The following EZH1 variants were observed in gnomAD, a reference collection of about 807,000 sequenced individuals.
The protein encoded by EZH1 is enhancer of zeste 1 polycomb repressive complex 2 subunit.
A neutral mutation model predicts 100.5 loss-of-function variants in EZH1; 33 were observed. The observed-to-expected ratio is 0.33, with a 90% CI of 0.25 to 0.44. The LOEUF (loss-of-function observed/expected upper bound fraction) is 0.44, where lower values mean the gene tolerates loss of function less well. Ranked by LOEUF, EZH1 falls within the 20% of genes least tolerant of loss-of-function variation. EZH1 has a pLI of 1.00. For synonymous variants in EZH1, 272 were observed against 313.8 expected, an observed-to-expected ratio of 0.87 and a Z score of 1.41; for missense variants, 475 against 928.4, an observed-to-expected ratio of 0.51 and a Z score of 6.35.
intron 4 of EZH1, among the ~76,000 whole-genome samples, chr17:42,726,237 G>A (rs1468301398): frequency 3.1e-5 from 4 of 128,372 alleles, no homozygotes; most frequent in Admixed American, 8.4e-5. Flanking sequence ...TTTTTGAGAC[G>A]GAGTCTCGCT....
chr17:42,710,332 T>G (rs781535924), intron 12 of EZH1, among the ~76,000 whole-genome samples: 4 of 152,206 alleles, frequency 2.6e-5, no homozygotes, highest in South Asian at 2.1e-4. Context: ...ATGGTTTCAG[T>G]GGGCTAAATA....
At chr17:42,727,142 G>A (rs1464860889) in intron 4 of EZH1, among the ~76,000 whole-genome samples, 1 of 151,860 alleles carries the variant, frequency 6.6e-6, no homozygotes, top group South Asian at 2.1e-4. Context: ...GAGCCACTGC[G>A]TCCAGCCCCC....
At chr17:42,734,932 G>A (rs1236719148) in intron 1 of EZH1, among the ~76,000 whole-genome samples, 2 of 151,042 alleles carry the variant, frequency 1.3e-5, no homozygotes, top group Non-Finnish European at 2.9e-5. Flanking sequence ...GGCAGAGGTT[G>A]CAGTGAGCTG....
chr17:42,733,242 CAGG>C (rs757627730), intron 1 of EZH1, among the ~76,000 whole-genome samples: 11 of 148,378 alleles, frequency 7.4e-5, no homozygotes, highest in Non-Finnish European at 1.3e-4. Context: ...GAGGCTGAGG[CAGG>C]AGAATTGCTT....
intron 1 of EZH1, among the ~76,000 whole-genome samples, chr17:42,734,605 G>A (rs906765103): frequency 6.6e-6 from 1 of 151,202 alleles, no homozygotes; most frequent in African/African-American, 2.4e-5. Flanking sequence ...GGAGGTAGAG[G>A]CTGCAGTGAG....
intron 1 of EZH1, among the ~76,000 whole-genome samples, chr17:42,736,777 G>C (rs550915113): frequency 7.9e-5 from 12 of 151,926 alleles, no homozygotes; most frequent in African/African-American, 2.9e-4. Context: ...GAGATTGCAG[G>C]GAGGTAGAGA....
chr17:42,709,024 G>A, intron 13 of EZH1, 108 bp from the exon 14 acceptor site: 5 of 1,272,836 alleles, frequency 3.9e-6, no homozygotes, highest in Non-Finnish European at 5.7e-6. Context: ...GATGACTGGG[G>A]AGTATCTTCC....
At position 42,738,882 on chromosome 17, in the gene EZH1, C is replaced by A. The variant is rs565375656; in HGVS notation, c.-103+6129G>T. Among the ~76,000 whole-genome samples the A allele has an allele frequency of 5.6e-3, 851 of 151,898 alleles. 5 individuals are homozygous for A. The highest frequency in any genetic ancestry group is 9.4e-3 in the Non-Finnish European group (642 of 67,954). ...TCAAGCGATTCTCTTGCCTCCACCCCCCCTGAGTAGCTGGGACTATGCTCG... is the reference window on the plus strand; with the variant it reads ...TCAAGCGATTCTCTTGCCTCCACCCACCCTGAGTAGCTGGGACTATGCTCG... On this transcript the variant is annotated intron_variant, in intron 1 of 20. Transcript: ENST00000428826.
In EZH1 at chr17:42,717,065, C is replaced by T. The variant is rs536341494; in HGVS notation, c.1023+911G>A. ...GACCCTGACTTGAATTTCATCGCTG[C>T]CATACCGCTGACTTATCAACAAACT... On this transcript the variant is annotated intron_variant, in intron 10 of 20. Coordinates refer to ENST00000428826, the MANE Select transcript of EZH1 (RefSeq NM_001991.5). Among the ~76,000 whole-genome samples the T allele has an allele frequency of 3.0e-4, 46 of 152,208 alleles. No individual in the cohort carries two copies. The South Asian group carries it at 7.7e-3, about 25-fold the overall frequency.
Position 42,733,337 on chromosome 17 carries a change from C to CAA in EZH1, c.-102-2421_-102-2420dup, listed in dbSNP as rs1204785901. Among the ~76,000 whole-genome samples the CAA allele has an allele frequency of 7.9e-3, 589 of 74,682 alleles. 6 individuals carry two copies. Among genetic ancestry groups the CAA allele is most frequent in the African/African-American group, 0.026 (557 of 21,068 alleles). The allele number at this position is 74,682 out of a possible 152,430, so 49.0% of individuals were successfully genotyped here. Reference sequence around the variant, plus strand: ...GGGCAACAAGAGCAAAACTCTGTCTCAAAAAAAAAAAAAAAAAGGTCTGGG... The same window carrying CAA: ...GGGCAACAAGAGCAAAACTCTGTCTCAAAAAAAAAAAAAAAAAAAGGTCTGGG... On this transcript the variant is annotated intron_variant, in intron 1 of 20. Coordinates refer to ENST00000428826, the MANE Select transcript of EZH1 (RefSeq NM_001991.5).
intron 10 of EZH1, among the ~76,000 whole-genome samples, chr17:42,715,282 A>T (rs1006765917): frequency 4.1e-5 from 6 of 144,828 alleles, no homozygotes; most frequent in African/African-American, 1.5e-4. Flanking sequence ...ATATATATAT[A>T]TATTTTTTTG....
At chr17:42,726,752 G>A (rs2053829181) in intron 4 of EZH1, among the ~76,000 whole-genome samples, 1 of 152,088 alleles carries the variant, frequency 6.6e-6, no homozygotes, top group Non-Finnish European at 1.5e-5. Context: ...GACCTCAGGT[G>A]ATCCACCCAC....
chr17:42,701,276 A>G lies in EZH1; in HGVS notation c.*1256T>C, dbSNP rs2053235011. Reference sequence around the variant, plus strand: ...AGACCTTAGGCCAAACTCTACCCCAATCTATAGACCTTTTAAAAGAAATGG... The same window carrying G: ...AGACCTTAGGCCAAACTCTACCCCAGTCTATAGACCTTTTAAAAGAAATGG... On this transcript the variant is annotated 3_prime_UTR_variant, in exon 21 of 21. Transcript: ENST00000428826. 6.5e-6 allele frequency: 1 copy of G among 152,706 alleles called. No individual in the cohort carries two copies. The highest frequency in any genetic ancestry group is 2.4e-5 in the African/African-American group (1 of 41,424). 9.5% of individuals were successfully genotyped at this position (152,706 alleles called of 1,614,324 possible).
rs376498826 is a variant in EZH1 at position 42,719,099 on chromosome 17, C to T, written c.767+6G>A. On this transcript the variant is annotated splice_donor_region_variant and intron_variant, in intron 8 of 20. Transcript: ENST00000428826. Reference sequence around the variant, plus strand: ...TATATGGCCTAAGTGGGACAGCTTTCCCTACCTCTCCTTCATGTCATCTGG... The same window carrying T: ...TATATGGCCTAAGTGGGACAGCTTTTCCTACCTCTCCTTCATGTCATCTGG... 1.9e-5 allele frequency: 31 copies of T among 1,607,838 alleles called. No homozygotes were observed. The highest frequency in any genetic ancestry group is 2.5e-5 in the Non-Finnish European group (29 of 1,174,548).
chr17:42,730,925 A>G lies in EZH1; in HGVS notation c.-102-7T>C. ...CAGCAGAACAGGTGTCCAGCTTTTC[A>G]AAAGAGAACAGACAGTGGTTCTATT... On this transcript the variant is annotated splice_polypyrimidine_tract_variant and splice_region_variant and intron_variant, in intron 1 of 20. Transcript: ENST00000428826. The G allele has an allele frequency of 2.0e-6, 2 of 984,478 alleles. No individual in the cohort carries two copies. The highest frequency in any genetic ancestry group is 2.4e-6 in the Non-Finnish European group (2 of 828,968). 61.0% of individuals were successfully genotyped at this position (984,478 alleles called of 1,614,324 possible).
In EZH1 at chr17:42,727,669, A is replaced by C. The variant is rs1291958592; in HGVS notation, c.212T>G (p.Met71Arg). ...KKLRVQPVQS[M>R]KPVSGHPFLK... Reference sequence around the variant, plus strand: ...AAAAGGGTGTCCACTCACAGGCTTCATTGACTGAACAGGTTGGACACGAAG... The same window carrying C: ...AAAAGGGTGTCCACTCACAGGCTTCCTTGACTGAACAGGTTGGACACGAAG... Residue 71 changes from methionine to arginine, a missense_variant, in exon 4 of 21, where the codon ATG becomes AGG. Physicochemically the swap from Met to Arg is moderately conservative, Grantham distance 91. Around this residue, in one of 8 missense-constraint regions of EZH1, gnomAD observed 105 missense variants for 129.8 expected, o/e 0.81. Transcript: ENST00000428826. 1.2e-6 allele frequency: 2 copies of C among 1,613,224 alleles called. No homozygotes were observed. The highest frequency in any genetic ancestry group is 2.2e-5 in the East Asian group (1 of 44,782).
At chr17:42,729,457 G>A (rs141657238) in intron 2 of EZH1, among the ~76,000 whole-genome samples, 2 of 152,190 alleles carry the variant, frequency 1.3e-5, no homozygotes, top group African/African-American at 4.8e-5. Flanking sequence ...GTCCAGGCAC[G>A]GTGGCTCACG....
chr17:42,725,430 A>G (rs1299116393), intron 4 of EZH1, among the ~76,000 whole-genome samples: 1 of 151,452 alleles, frequency 6.6e-6, no homozygotes, highest in African/African-American at 2.4e-5. Context: ...TACTACATCC[A>G]GTTAAACAGC....
intron 1 of EZH1, among the ~76,000 whole-genome samples, chr17:42,734,567 C>A (rs548083877): frequency 6.6e-6 from 1 of 150,978 alleles, no homozygotes; most frequent in East Asian, 1.9e-4. Flanking sequence ...ACTCAGGAGG[C>A]TGAGTTGGGA....
Sources: allele counts gnomAD v4.1 joint callset (sites outside exome capture counted in the v4.1 genomes callset), GRCh38; gene constraint gnomAD v4.1.1; regional missense constraint gnomAD v4.1.1; transcripts MANE v1.5; gene names NCBI Gene and HGNC (gene_info 2026-07-23, HGNC 2026-07-21).